Variants in PCCA observed in about 807,000 individuals in gnomAD.
The protein encoded by PCCA is propionyl-CoA carboxylase subunit alpha.
Under a neutral mutation model 101.3 loss-of-function variants are expected in PCCA, and 74 were observed. The observed-to-expected ratio is 0.73, with a 90% CI of 0.61 to 0.89. The LOEUF is 0.89. Ranked by LOEUF, PCCA falls within the 40% of genes least tolerant of loss-of-function variation. PCCA has a pLI of 0.00. For missense variants in PCCA, 891 were observed against 907.0 expected (o/e 0.98, Z 0.23); for synonymous variants, 294 against 313.6 (o/e 0.94, Z 0.66).
At chr13:100,251,263 A>G (rs2061734656) in intron 8 of PCCA, among the ~76,000 whole-genome samples, 2 of 152,258 alleles carry the variant, frequency 1.3e-5, no homozygotes, top group South Asian at 4.1e-4. Context: ...GCTCATATAC[A>G]AAGTTCCAGA....
intron 15 of PCCA, among the ~76,000 whole-genome samples, 155 bp from the exon 16 acceptor site, chr13:100,309,678 A>G (rs1362995778): frequency 6.6e-6 from 1 of 152,234 alleles, no homozygotes; most frequent in Non-Finnish European, 1.5e-5. Flanking sequence ...TACTTAAAAA[A>G]TCATAATTGA....
At chr13:100,398,612 T>A (rs1236518046) in intron 19 of PCCA, among the ~76,000 whole-genome samples, 1 of 152,202 alleles carries the variant, frequency 6.6e-6, no homozygotes, top group East Asian at 1.9e-4. Flanking sequence ...ATGAAGTTGC[T>A]TGTCCTTTTT....
intron 2 of PCCA, among the ~76,000 whole-genome samples, chr13:100,104,049 G>T (rs1181280504): frequency 6.6e-6 from 1 of 152,194 alleles, no homozygotes; most frequent in Non-Finnish European, 1.5e-5. Flanking sequence ...ACTAGAAGAA[G>T]TGATTGGAAA....
At chr13:100,204,347 T>C (rs1306484749) in intron 6 of PCCA, among the ~76,000 whole-genome samples, 1 of 152,190 alleles carries the variant, frequency 6.6e-6, no homozygotes, top group Non-Finnish European at 1.5e-5. Flanking sequence ...GCCATGTTGC[T>C]CAGCCTGGTT....
intron 16 of PCCA, among the ~76,000 whole-genome samples, chr13:100,324,696 A>G (rs2068452576): frequency 6.6e-6 from 1 of 152,200 alleles, no homozygotes; most frequent in Admixed American, 6.5e-5. Flanking sequence ...AACCACATTA[A>G]GATTCACTGT....
chr13:100,526,222 C>T lies in PCCA; in HGVS notation c.2041-1453C>T, dbSNP rs368549071. On this transcript the variant is annotated intron_variant, in intron 22 of 23. Transcript: ENST00000376285. ...GATGGGGGCCTCTGCATTGTCTCTG[C>T]GCTGCCCCTCCCATCCCCCTGCAAA... 3.9e-4 allele frequency among the ~76,000 whole-genome samples: 59 copies of T among 152,294 alleles called. No individual in the cohort carries two copies. In the South Asian group the frequency reaches 6.8e-3, roughly 18 times the overall value.
intron 16 of PCCA, among the ~76,000 whole-genome samples, chr13:100,324,410 A>G (rs1003315936): frequency 4.6e-5 from 7 of 152,146 alleles, no homozygotes; most frequent in Non-Finnish European, 1.0e-4. Flanking sequence ...TTTTCAATAA[A>G]TATATCCTAA....
At chr13:100,114,368 T>C (rs2048598296) in intron 4 of PCCA, among the ~76,000 whole-genome samples, 1 of 152,106 alleles carries the variant, frequency 6.6e-6, no homozygotes, top group South Asian at 2.1e-4. Context: ...CTTGAGGTCA[T>C]GAGTTTGAGA....
intron 20 of PCCA, among the ~76,000 whole-genome samples, chr13:100,427,517 T>G (rs2079237545): frequency 1.3e-5 from 2 of 152,184 alleles, no homozygotes; most frequent in Non-Finnish European, 2.9e-5. Context: ...TCAAAAATAT[T>G]TTCCCTAGTG....
chr13:100,158,193 C>G (rs2152388469), intron 6 of PCCA, among the ~76,000 whole-genome samples: 1 of 152,258 alleles, frequency 6.6e-6, no homozygotes, highest in Middle Eastern at 3.4e-3. Context: ...ATTTGTGTAT[C>G]TAAACATGTA....
At chr13:100,495,328 T>C (rs961595064) in intron 21 of PCCA, among the ~76,000 whole-genome samples, 1 of 152,198 alleles carries the variant, frequency 6.6e-6, no homozygotes, top group Non-Finnish European at 1.5e-5. Flanking sequence ...GCTAGTCTAG[T>C]TAATTTCTGG....
At chr13:100,489,953 G>T (rs2084771852) in intron 21 of PCCA, 1 of 152,216 alleles carries the variant, frequency 6.6e-6, no homozygotes, top group African/African-American at 2.4e-5. Context: ...GGGGCTCAGG[G>T]AAAGTTCAGC....
intron 14 of PCCA, among the ~76,000 whole-genome samples, chr13:100,304,500 G>A (rs1174293276): frequency 1.3e-5 from 2 of 152,164 alleles, no homozygotes; most frequent in Non-Finnish European, 2.9e-5. Context: ...CCCTCCCTTG[G>A]AAGCATTTAA....
intron 17 of PCCA, 117 bp downstream of exon 17, chr13:100,330,788 T>G: frequency 2.9e-6 from 2 of 683,536 alleles, no homozygotes. Flanking sequence ...TATACTTCAT[T>G]TTTAGAACAT....
chr13:100,458,344 CAG>C (rs2081910733), intron 21 of PCCA, among the ~76,000 whole-genome samples: 1 of 96,594 alleles, frequency 1.0e-5, no homozygotes, highest in Non-Finnish European at 2.1e-5. Flanking sequence ...CACACACACA[CAG>C]TGGGACCCCA....
chr13:100,221,746 ATTT>A (rs3034654), intron 7 of PCCA, among the ~76,000 whole-genome samples: 6 of 121,570 alleles, frequency 4.9e-5, no homozygotes, highest in East Asian at 2.4e-4. Context: ...TCCCTGGGAA[ATTT>A]TTTTTTTTTT....
chr13:100,103,532 G>A (rs59483796), intron 2 of PCCA, among the ~76,000 whole-genome samples: 14,050 of 150,496 alleles, frequency 0.093, 717 homozygotes, highest in Middle Eastern at 0.18. Flanking sequence ...GGATGGTCTC[G>A]AACTCCTGAC....
At chr13:100,367,040 T>A (rs2075229863) in intron 18 of PCCA, among the ~76,000 whole-genome samples, 1 of 152,164 alleles carries the variant, frequency 6.6e-6, no homozygotes, top group Non-Finnish European at 1.5e-5. Context: ...ACTTGGAACA[T>A]TTTTTCAGAA....
intron 21 of PCCA, among the ~76,000 whole-genome samples, chr13:100,511,181 C>T (rs733275): frequency 0.26 from 40,317 of 152,158 alleles, 5,928 homozygotes; most frequent in Middle Eastern, 0.39. Context: ...ACTGTTTTAA[C>T]TCATATCTAG....
Sources: gnomAD v4.1 joint callset for allele counts (sites outside exome capture counted in the v4.1 genomes callset) on GRCh38, gnomAD v4.1.1 for gene constraint, MANE v1.5 for transcripts, NCBI Gene and HGNC (gene_info 2026-07-23, HGNC 2026-07-21) for gene names.